The following LIMS2 variants were observed in gnomAD, a reference collection of about 807,000 sequenced individuals.
LIMS2 encodes the protein LIM zinc finger domain containing 2.
LIMS2 carries 30 observed loss-of-function variants against 45.3 expected under a neutral mutation model. That is an observed-to-expected ratio of 0.66 (90% CI 0.50 to 0.90). The LOEUF (loss-of-function observed/expected upper bound fraction) is 0.90. Ranked by LOEUF, LIMS2 falls within the 40% of genes least tolerant of loss-of-function variation. LIMS2 has a pLI of 0.00. For missense variants in LIMS2, 485 were observed against 468.7 expected (o/e 1.03, Z -0.32); for synonymous variants, 173 against 188.0 (o/e 0.92, Z 0.65).
intron 4 of LIMS2, among the ~76,000 whole-genome samples, chr2:127,644,766 C>T (rs2105220410): frequency 6.6e-6 from 1 of 152,334 alleles, no homozygotes; most frequent in African/African-American, 2.4e-5. Context: ...CCAGAAATGC[C>T]CTGCTCAGGG....
intron 4 of LIMS2, 112 bp downstream of exon 4, chr2:127,654,312 A>G: frequency 6.9e-7 from 1 of 1,447,302 alleles, no homozygotes; most frequent in Non-Finnish European, 9.6e-7. Context: ...TGCAGGCTGC[A>G]GCACCGGGAC....
At chr2:127,650,158 C>T (rs1175904520) in intron 4 of LIMS2, 18 of 1,284,192 alleles carry the variant, frequency 1.4e-5, no homozygotes, top group Non-Finnish European at 2.0e-5. Flanking sequence ...GTGCCAGGGG[C>T]AAGCCATGGT....
chr2:127,675,821 C>G (rs935540995), upstream of LIMS2, among the ~76,000 whole-genome samples: 18 of 152,228 alleles, frequency 1.2e-4, no homozygotes, highest in Admixed American at 1.2e-3. Context: ...CCCAGGGAGG[C>G]TAAAGCCGAG....
At position 127,642,969 on chromosome 2, in the gene LIMS2, T is replaced by C. The variant is rs1682586822; in HGVS notation, c.463A>G (p.Arg155Gly). 1 of 1,571,478 alleles carries C rather than the reference T, an allele frequency of 6.4e-7. No individual in the cohort carries two copies. The highest frequency in any genetic ancestry group is 1.9e-5 in the Admixed American group (1 of 53,606). The change falls in exon 5 of 10, where the codon AGG becomes GGG. Residue 155 changes from arginine (R) to glycine (G), a missense_variant. Arg to Gly is a moderately radical substitution (Grantham distance 125, BLOSUM62 -2). Coordinates refer to ENST00000355119, the MANE Select transcript of LIMS2 (RefSeq NM_001161403.3). The surrounding 1 kb of genome is among the most constrained non-coding windows in gnomAD (Gnocchi z 5.3). ...LVIDEQPLMF[R>G]SDAYHPDHFN... is the part of the protein sequence containing the mutation. ...TGGTCAGGGTGGTAGGCGTCGCTCC[T>C]GAACATGAGGGGCTGCTCGTCGATG...
chr2:127,642,939 T>C lies in LIMS2; in HGVS notation c.493A>G (p.Asn165Asp). The C allele has an allele frequency of 1.3e-6, 2 of 1,564,330 alleles. No homozygotes were observed. Among genetic ancestry groups the C allele is most frequent in the East Asian group, 2.4e-5 (1 of 41,786 alleles). ...CGCACCTACCCACAGTGGGTGCAGT[T>C]GAAGTGGTCAGGGTGGTAGGCGTCG... The part of the protein sequence containing the change: ...RSDAYHPDHF[N>D]CTHCGKELTA... The change falls in exon 5 of 10, where the codon AAC becomes GAC. Residue 165 changes from asparagine (N) to aspartate (D), a missense_variant. Transcript: ENST00000355119. This position sits in a 1 kb window ranked among gnomAD's most constrained non-coding sequence, Gnocchi z 5.3.
intron 1 of LIMS2, among the ~76,000 whole-genome samples, chr2:127,662,790 TA>T (rs993332531): frequency 6.6e-6 from 1 of 151,818 alleles, no homozygotes; most frequent in Non-Finnish European, 1.5e-5. Flanking sequence ...ACTTAAAGTC[TA>T]ATAATAATAA....
At position 127,664,529 on chromosome 2, in the gene LIMS2, C is replaced by T; in HGVS notation, c.12-6967G>A. ...GTGTGGGCGCCTCCCCCGCGCTGGT[C>T]GCGAGCTCACGTTACGCGCTGGGAT... On this transcript the variant is annotated intron_variant, in intron 1 of 9. Transcript: ENST00000355119. This position sits in a 1 kb window ranked among gnomAD's most constrained non-coding sequence, Gnocchi z 5.5. The T allele has an allele frequency of 8.7e-7, 1 of 1,151,868 alleles. No homozygotes were observed. The highest frequency in any genetic ancestry group is 1.1e-6 in the Non-Finnish European group (1 of 937,146). 71.4% of individuals were successfully genotyped at this position (1,151,868 alleles called of 1,614,324 possible).
At chr2:127,679,977 G>A (rs943296063), upstream of LIMS2, among the ~76,000 whole-genome samples, 3 of 152,344 alleles carry the variant, frequency 2.0e-5, no homozygotes, top group Non-Finnish European at 2.9e-5. This position sits in a 1 kb window ranked among gnomAD's most constrained non-coding sequence, Gnocchi z 5.3. Context: ...AGGCCACCCA[G>A]ACGGCCACTC....
chr2:127,643,319 G>A, intron 4 of LIMS2: 5 of 564,994 alleles, frequency 8.8e-6, no homozygotes, highest in Non-Finnish European at 1.3e-5. Context: ...GTCTCTGGAT[G>A]GTATTTTCCT....
intron 1 of LIMS2, among the ~76,000 whole-genome samples, chr2:127,673,305 T>G (rs781045876): frequency 6.6e-6 from 1 of 152,186 alleles, no homozygotes; most frequent in Non-Finnish European, 1.5e-5. Flanking sequence ...CTGTTATCTT[T>G]TATGTTTCCA....
rs923089343 is a variant in LIMS2 at position 127,672,638 on chromosome 2, C to G, written c.11+2376G>C. Among the ~76,000 whole-genome samples, 1 of 152,244 alleles carries G rather than the reference C, an allele frequency of 6.6e-6. No homozygotes were observed. Among genetic ancestry groups the G allele is most frequent in the Non-Finnish European group, 1.5e-5 (1 of 68,050 alleles). On this transcript the variant is annotated intron_variant, in intron 1 of 9. Coordinates refer to ENST00000355119, the MANE Select transcript of LIMS2 (RefSeq NM_001161403.3). The surrounding 1 kb of genome is among the most constrained non-coding windows in gnomAD (Gnocchi z 4.9). Reference sequence around the variant, plus strand: ...CTCCTCTCCTCCACCCGCTCAGCCACCCAGGAGAGGCCTCCCTAGTGGCTG... The same window carrying G: ...CTCCTCTCCTCCACCCGCTCAGCCAGCCAGGAGAGGCCTCCCTAGTGGCTG...
At chr2:127,651,435 G>C in intron 4 of LIMS2, 1 of 1,612,916 alleles carries the variant, frequency 6.2e-7, no homozygotes, top group South Asian at 1.1e-5. Flanking sequence ...GACCAAGGCA[G>C]TGCGCATGAT....
chr2:127,650,609 A>G, intron 4 of LIMS2: 1 of 766,500 alleles, frequency 1.3e-6, no homozygotes, highest in Non-Finnish European at 2.1e-6. Context: ...GCTGAGCTTG[A>G]AAGTGGGAGG....
chr2:127,663,257 G>T (rs1340867564), intron 1 of LIMS2, among the ~76,000 whole-genome samples: 1 of 152,122 alleles, frequency 6.6e-6, no homozygotes, highest in Non-Finnish European at 1.5e-5. Context: ...GCCTGCTCCA[G>T]CTCTGCCACA....
At chr2:127,656,323 T>TCCCCCCAGCCTCCTGGC (rs1371792813) in intron 2 of LIMS2, among the ~76,000 whole-genome samples, 2 of 151,226 alleles carry the variant, frequency 1.3e-5, no homozygotes, top group African/African-American at 4.9e-5. Flanking sequence ...CAGCTCCTGG[T>TCCCCCCAGCCTCCTGGC]CCCCCCAGCC....
intron 4 of LIMS2, 199 bp from the exon 5 acceptor site, chr2:127,643,271 T>G (rs1244185488): frequency 2.1e-5 from 13 of 611,770 alleles, no homozygotes; most frequent in Non-Finnish European, 3.8e-5. Context: ...ATGGGACGCA[T>G]GCTCAGCAGG....
At chr2:127,643,688 C>T (rs944837755) in intron 4 of LIMS2, 19 of 433,154 alleles carry the variant, frequency 4.4e-5, no homozygotes, top group Middle Eastern at 5.0e-4. Flanking sequence ...GTGTTCTCAA[C>T]GGAGAGACAA....
chr2:127,680,813 C>T (rs543175352), intron 1 of LIMS2, among the ~76,000 whole-genome samples: 1 of 152,348 alleles, frequency 6.6e-6, no homozygotes, highest in East Asian at 1.9e-4. Context: ...AGACTCCATT[C>T]ATCTCATGGG....
rs1033296068 is a variant in LIMS2, at chr2:127,672,143, G to A, written c.11+2871C>T. 4.6e-5 allele frequency among the ~76,000 whole-genome samples: 7 copies of A among 152,336 alleles called. No individual in the cohort carries two copies. Among genetic ancestry groups the A allele is most frequent in the African/African-American group, 1.4e-4 (6 of 41,560 alleles). ...TATGCAGCCAAGCCACTGAGCTCAC[G>A]TGGCCGTGGGTGTCAACATCCCAGG... On this transcript the variant is annotated intron_variant, in intron 1 of 9. Transcript: ENST00000355119. This position sits in a 1 kb window ranked among gnomAD's most constrained non-coding sequence, Gnocchi z 4.9.
Sources: gnomAD v4.1 joint callset for allele counts (sites outside exome capture counted in the v4.1 genomes callset) on GRCh38, gnomAD v4.1.1 for gene constraint, Gnocchi (gnomAD v3.1) non-coding constraint, MANE v1.5 for transcripts, NCBI Gene and HGNC (gene_info 2026-07-23, HGNC 2026-07-21) for gene names.